The following KRT76 variants were observed in gnomAD, a reference collection of about 807,000 sequenced individuals.
KRT76 encodes keratin, type II cytoskeletal 2 oral.
KRT76 carries 47 observed loss-of-function variants against 44.9 expected under a neutral mutation model. That is an observed-to-expected ratio of 1.05 (90% CI 0.83 to 1.33). The LOEUF (loss-of-function observed/expected upper bound fraction) is 1.33. Ranked by LOEUF, KRT76 falls within the 40% of genes most tolerant of loss-of-function variation. The pLI is 0.00. For synonymous variants in KRT76, 331 were observed against 294.1 expected (o/e 1.13, Z -1.28); for missense variants, 860 against 775.8 (o/e 1.11, Z -1.29).
intron 2 of KRT76, among the ~76,000 whole-genome samples, chr12:52,774,116 T>G (rs572381679): frequency 6.6e-6 from 1 of 152,274 alleles, no homozygotes; most frequent in South Asian, 2.1e-4. Flanking sequence ...ACAGGCATGA[T>G]TGAAATTCTT....
At position 52,775,461 on chromosome 12, in the gene KRT76, G is replaced by A. The variant is rs1939247378; in HGVS notation, c.742C>T (p.Leu248Phe). 1 of 1,614,186 alleles carries A rather than the reference G, an allele frequency of 6.2e-7. No homozygotes were observed. The highest frequency in any genetic ancestry group is 8.5e-7 in the Non-Finnish European group (1 of 1,180,032). ...ISFLCKQLDS[L>F]LGERGNLEGE... is the part of the protein sequence containing the mutation. ...TCCAGGTTCCCCCTCTCCCCTAGAA[G>A]TGAATCTAGCTGCTTGCATAGGAAG... The change falls in exon 2 of 9, where the codon CTT becomes TTT. Residue 248 changes from leucine (L) to phenylalanine (F), a missense_variant. By Grantham distance (22) the Leu-to-Phe change is conservative. Transcript: ENST00000332411.
chr12:52,776,021 G>GT (rs1939256363), intron 1 of KRT76, among the ~76,000 whole-genome samples: 1 of 152,118 alleles, frequency 6.6e-6, no homozygotes, highest in South Asian at 2.1e-4. Context: ...GTTTGTCATT[G>GT]TTTTTTAGAT....
rs763737351 is a variant in KRT76, at chr12:52,769,008, C to G, written c.1622G>C (p.Ser541Thr). Residue 541 changes from serine (S) to threonine (T), a missense_variant, in exon 9 of 9, where the codon AGC becomes ACC. Transcript: ENST00000332411. ...ATAGCCACTGCTGCTGCTGCTGCTG[C>G]TGCCGCCTTTGTAGCCACCACTGCC... Reference protein sequence around the residue: ...GSGSGGYKGGSSSSSSSGYGV... With the variant: ...GSGSGGYKGGTSSSSSSGYGV... 2.2e-6 allele frequency: 2 copies of G among 915,126 alleles called. No homozygotes were observed. Among genetic ancestry groups the G allele is most frequent in the Admixed American group, 2.0e-5 (1 of 50,440 alleles). 56.7% of individuals were successfully genotyped at this position (915,126 alleles called of 1,614,324 possible). A position where few individuals can be genotyped will look rare whatever the true frequency, so the allele number is the denominator to read the frequency against.
In KRT76 at chr12:52,772,163, C is replaced by CTCGGCAATG. The variant is rs1939194619; in HGVS notation, c.1059_1067dup (p.Ala355_Glu356insAspIleAla). 1 of 1,613,654 alleles carries CTCGGCAATG rather than the reference C, an allele frequency of 6.2e-7. No homozygotes were observed. Among genetic ancestry groups the CTCGGCAATG allele is most frequent in the Admixed American group, 1.7e-5 (1 of 60,002 alleles). On this transcript the variant is annotated inframe_insertion, in exon 5 of 9. Transcript: ENST00000332411. ...CAATCTCCTCATACTGGGCGCGGAC[C>CTCGGCAATG]TCGGCAATGATGCTGCCCAGGTCCA...
rs751494142 is a variant in KRT76 at position 52,771,202 on chromosome 12, C to T, written c.1281G>A (p.Thr427=). 20 of 1,614,026 alleles carry T rather than the reference C, an allele frequency of 1.2e-5. No homozygotes were observed. Among genetic ancestry groups the T allele is most frequent in the Admixed American group, 1.7e-5 (1 of 60,006 alleles). ...NVKKQNANLQ[T]AIAEAEQRGE... The stretch of plus-strand genomic sequence containing the variant: ...CACGCTGCTCAGCCTCTGCAATTGC[C>T]GTCTGCAGGTTGGCATTCTGAGGTA... The change falls in exon 7 of 9, where the codon ACG becomes ACA. Residue 427 remains threonine, a synonymous_variant. Coordinates refer to ENST00000332411, the MANE Select transcript of KRT76 (RefSeq NM_015848.4).
intron 8 of KRT76, 46 bp downstream of exon 8, chr12:52,769,503 G>T (rs536958262): frequency 1.3e-6 from 2 of 1,549,706 alleles, no homozygotes; most frequent in South Asian, 2.2e-5. Flanking sequence ...GTTTCTAGCT[G>T]CCCTTTTACA....
At chr12:52,776,607 T>A in intron 1 of KRT76, 85 bp downstream of exon 1, 1 of 1,604,908 alleles carries the variant, frequency 6.2e-7, no homozygotes, top group Non-Finnish European at 8.5e-7. Context: ...CCCTGCCCTG[T>A]GTCTCACAAG....
At chr12:52,769,485 G>A (rs1939146091) in intron 8 of KRT76, 64 bp downstream of exon 8, 2 of 1,384,686 alleles carry the variant, frequency 1.4e-6, no homozygotes, top group Non-Finnish European at 2.1e-6. Flanking sequence ...AGGTCAGTCA[G>A]TGAGGTTGTT....
chr12:52,777,042 C>A lies in KRT76; in HGVS notation c.250G>T (p.Gly84Trp). ...CCTGCAAAGCCACAGCTGCTCCGCC[C>A]TCCCCCAAAGCCTCCAGCCCGGGAG... Reference protein sequence around the residue: ...GSSRAGGFGGGRSSCGFAGGY... With the variant: ...GSSRAGGFGGWRSSCGFAGGY... The change falls in exon 1 of 9, where the codon GGG becomes TGG. Residue 84 changes from glycine (G) to tryptophan (W), a missense_variant. Physicochemically the swap from Gly to Trp is radical, Grantham distance 184. Transcript: ENST00000332411. 1 of 1,614,144 alleles carries A rather than the reference C, an allele frequency of 6.2e-7. No individual in the cohort carries two copies. The highest frequency in any genetic ancestry group is 8.5e-7 in the Non-Finnish European group (1 of 1,179,962).
Position 52,776,771 on chromosome 12 carries a change from G to A in KRT76, c.521C>T (p.Pro174Leu). ...LLQPLNVEID[P>L]QIGQVKAQER... ...CTGGGCCTTTACTTGCCCAATCTGG[G>A]GGTCGATCTCCACATTGAGGGGCTG... Residue 174 changes from proline (P) to leucine (L), a missense_variant, in exon 1 of 9, where the codon CCC becomes CTC. By Grantham distance (98) the Pro-to-Leu change is moderately conservative. Coordinates refer to ENST00000332411, the MANE Select transcript of KRT76 (RefSeq NM_015848.4). 3 of 1,613,964 alleles carry A rather than the reference G, an allele frequency of 1.9e-6. No homozygotes were observed. Among genetic ancestry groups the A allele is most frequent in the Non-Finnish European group, 2.5e-6 (3 of 1,179,974 alleles).
At chr12:52,770,737 G>A (rs985361779) in intron 7 of KRT76, among the ~76,000 whole-genome samples, 1 of 152,106 alleles carries the variant, frequency 6.6e-6, no homozygotes, top group Non-Finnish European at 1.5e-5. Flanking sequence ...TTGTCATAAT[G>A]CCAAAGAACT....
rs766140677 is a variant in KRT76, at chr12:52,775,501, A to C, written c.702T>G (p.Phe234Leu). 26 of 1,614,238 alleles carry C rather than the reference A, an allele frequency of 1.6e-5. No individual in the cohort carries two copies. The highest frequency in any genetic ancestry group is 2.1e-5 in the Non-Finnish European group (25 of 1,180,046). The change falls in exon 2 of 9, where the codon TTT becomes TTG. Residue 234 changes from phenylalanine (F) to leucine (L), a missense_variant. Phe to Leu is a conservative substitution (Grantham distance 22). Transcript: ENST00000332411. ...TGCATAGGAAGCTGATGTAGGATTC[A>C]AAACAAGGCTCCAGGCTGCTGGGCC... ...GSGPSSLEPCFESYISFLCKQ... is the reference protein window; with the variant it reads ...GSGPSSLEPCLESYISFLCKQ...
At chr12:52,771,337 G>A (rs1444076971) in intron 6 of KRT76, 118 bp from the exon 7 acceptor site, 2 of 981,914 alleles carry the variant, frequency 2.0e-6, no homozygotes, top group African/African-American at 1.6e-5. Context: ...AAATCCCAAT[G>A]GAGCATGCTC....
In KRT76 at chr12:52,771,038, A is replaced by G. The variant is rs147281314; in HGVS notation, c.1445T>C (p.Ile482Thr). 8.5e-4 allele frequency: 1,368 copies of G among 1,614,030 alleles called. 14 individuals are homozygous for G. In the Admixed American group the frequency reaches 0.022, roughly 26 times the overall value. ...MNVKLALDVE[I>T]ATYRKLLEGE... ...CTCCAGCAGCTTGCGGTAGGTGGCA[A>G]TCTCCACATCCAGGGCCAGCTTGAC... Residue 482 changes from isoleucine (I) to threonine (T), a missense_variant, in exon 7 of 9, where the codon ATT becomes ACT. Coordinates refer to ENST00000332411, the MANE Select transcript of KRT76 (RefSeq NM_015848.4).
Position 52,771,214 on chromosome 12 carries a change from G to C in KRT76, c.1269C>G (p.Ala423=). 6.2e-7 allele frequency: 1 copy of C among 1,614,106 alleles called. No individual in the cohort carries two copies. The highest frequency in any genetic ancestry group is 1.7e-4 in the Middle Eastern group (1 of 6,030). ...CCTCTGCAATTGCCGTCTGCAGGTT[G>C]GCATTCTGAGGTAGAAAATCAATTA... ...AEIENVKKQN[A]NLQTAIAEAE... Residue 423 remains alanine (A), a synonymous_variant, in exon 7 of 9, where the codon GCC becomes GCG. Transcript: ENST00000332411.
intron 3 of KRT76, 85 bp downstream of exon 3, chr12:52,773,497 G>A (rs1939215857): frequency 1.1e-6 from 1 of 907,854 alleles, no homozygotes; most frequent in Non-Finnish European, 1.8e-6. Context: ...AGGTCCCTGT[G>A]CCCCAGAACA....
intron 5 of KRT76, 31 bp downstream of exon 5, chr12:52,772,063 C>T: frequency 6.2e-7 from 1 of 1,606,842 alleles, no homozygotes; most frequent in Non-Finnish European, 8.5e-7. Flanking sequence ...TGAAGGTCAT[C>T]AGGATCCAAG....
chr12:52,773,336 G>A (rs1447951156), intron 3 of KRT76, among the ~76,000 whole-genome samples: 1 of 152,116 alleles, frequency 6.6e-6, no homozygotes, highest in African/African-American at 2.4e-5. Context: ...CACATAAAGG[G>A]CTCATTATTA....
chr12:52,771,808 T>G, intron 6 of KRT76, 63 bp downstream of exon 6: 1 of 1,565,076 alleles, frequency 6.4e-7, no homozygotes, highest in Non-Finnish European at 8.7e-7. Context: ...GGAGCAGAGC[T>G]TATGCTGCTT....
Sources: allele counts gnomAD v4.1 joint callset (sites outside exome capture counted in the v4.1 genomes callset), GRCh38; gene constraint gnomAD v4.1.1; transcripts MANE v1.5; gene names NCBI Gene and HGNC (gene_info 2026-07-23, HGNC 2026-07-21).